Variants in SGCD observed in about 807,000 individuals in gnomAD.
SGCD encodes the protein delta-sarcoglycan.
Under a neutral mutation model 36.6 loss-of-function variants are expected in SGCD, and 18 were observed. The observed-to-expected ratio is 0.49, with a 90% CI of 0.34 to 0.73. The LOEUF (loss-of-function observed/expected upper bound fraction) is 0.73, where lower values mean the gene tolerates loss of function less well. Among genes scored for constraint, SGCD ranks in the 30% least tolerant of loss-of-function variants. The probability of loss-of-function intolerance (pLI) is 0.01; values close to 1 mark genes in which losing one functional copy is unlikely to be tolerated. For missense variants in SGCD, 387 were observed against 346.7 expected, an observed-to-expected ratio of 1.12 and a Z score of -0.92; for synonymous variants, 133 against 130.6, an observed-to-expected ratio of 1.02 and a Z score of -0.12.
intron 3 of SGCD, among the ~76,000 whole-genome samples, chr5:156,381,889 GATA>G (rs1379247912): frequency 1.3e-5 from 2 of 152,080 alleles, no homozygotes; most frequent in Non-Finnish European, 2.9e-5. Context: ...ATAAAAATGG[GATA>G]ATAATAGTAT....
At chr5:156,011,617 T>C (rs760962776) in intron 1 of SGCD, among the ~76,000 whole-genome samples, 15 of 152,126 alleles carry the variant, frequency 9.9e-5, no homozygotes, top group Non-Finnish European at 1.8e-4. Flanking sequence ...TTTTTGTATT[T>C]TTAGTAAAGA....
At chr5:156,466,290 C>T (rs1228160692) in intron 3 of SGCD, among the ~76,000 whole-genome samples, 1 of 152,160 alleles carries the variant, frequency 6.6e-6, no homozygotes, top group African/African-American at 2.4e-5. Flanking sequence ...TCTACAAAGA[C>T]TCTAGAGAGT....
intron 3 of SGCD, among the ~76,000 whole-genome samples, chr5:156,177,000 T>A (rs1054672957): frequency 6.6e-6 from 1 of 152,174 alleles, no homozygotes; most frequent in Non-Finnish European, 1.5e-5. Flanking sequence ...GGTAATTTTT[T>A]ATTTTTTATT....
intron 1 of SGCD, among the ~76,000 whole-genome samples, chr5:155,959,094 A>G (rs914137492): frequency 6.6e-6 from 1 of 152,132 alleles, no homozygotes; most frequent in African/African-American, 2.4e-5. Flanking sequence ...CATGCAAAAC[A>G]CAAGTTTATT....
chr5:155,762,069 T>C, the SGCD span, among the ~76,000 whole-genome samples: 1 of 152,234 alleles, frequency 6.6e-6, no homozygotes, highest in African/African-American at 2.4e-5. Context: ...CAATTGCCAC[T>C]AAGTGGCTGC....
intron 2 of SGCD, among the ~76,000 whole-genome samples, chr5:156,339,541 C>T (rs1352595455): frequency 2.0e-5 from 3 of 152,080 alleles, no homozygotes; most frequent in Non-Finnish European, 2.9e-5. Context: ...ATTCATTGAA[C>T]AAATGTTTTG....
chr5:156,591,756 A>G (rs1760729592), intron 5 of SGCD, among the ~76,000 whole-genome samples: 1 of 152,150 alleles, frequency 6.6e-6, no homozygotes, highest in Non-Finnish European at 1.5e-5. Context: ...AGGAACAATG[A>G]GTTCAACATG....
chr5:156,492,310 A>G (rs1354718185), intron 3 of SGCD, among the ~76,000 whole-genome samples: 3 of 152,216 alleles, frequency 2.0e-5, no homozygotes, highest in Non-Finnish European at 2.9e-5. Context: ...ATGGATTTTT[A>G]TCATAAGGAA....
rs573278623 is a variant in SGCD, at chr5:156,132,458, C to CTTTTTTTTTTTTTTTTTTTTTT, written c.-44+8446_-44+8467dup. On this transcript the variant is annotated intron_variant, in intron 3 of 9. Transcript: ENST00000517913. ...CGGAACTGTGGCTAACTTACCAAGT[C>CTTTTTTTTTTTTTTTTTTTTTT]TTTTTTTTTTTTTTTTTTTTTTTTT... Among the ~76,000 whole-genome samples the CTTTTTTTTTTTTTTTTTTTTTT allele has an allele frequency of 1.7e-4, 9 of 51,792 alleles. 2 individuals are homozygous for CTTTTTTTTTTTTTTTTTTTTTT. The highest frequency in any genetic ancestry group is 5.8e-4 in the African/African-American group (6 of 10,386). 34.0% of individuals were successfully genotyped at this position (51,792 alleles called of 152,430 possible).
At chr5:155,765,486 T>C in the SGCD span, among the ~76,000 whole-genome samples, 2 of 151,812 alleles carry the variant, frequency 1.3e-5, no homozygotes, top group Admixed American at 6.6e-5. Flanking sequence ...TGAAGACTTA[T>C]GAATCTGAAG....
rs116221952 is a variant in SGCD at position 156,747,103 on chromosome 5, A to G, written c.576-10478A>G. 2.6e-5 allele frequency among the ~76,000 whole-genome samples: 4 copies of G among 152,164 alleles called. No individual in the cohort carries two copies. In the South Asian group the frequency reaches 8.3e-4, roughly 31 times the overall value. On this transcript the variant is annotated intron_variant, in intron 7 of 8. Transcript: ENST00000337851. ...ATTTGAACACCCAGTAAAACACATG[A>G]AAAGGTGCCTAACAACATTAGTCAT... is the stretch of plus-strand genomic sequence containing the variant.
chr5:155,959,058 G>T (rs1757731391), intron 1 of SGCD, among the ~76,000 whole-genome samples: 1 of 151,936 alleles, frequency 6.6e-6, no homozygotes, highest in Non-Finnish European at 1.5e-5. Flanking sequence ...TTCCACATTA[G>T]GACATCAACA....
In SGCD at chr5:156,037,727, T is replaced by G. The variant is rs187726427; in HGVS notation, c.-281-80151T>G. ...GAACAAACAGTGAGGTCTGGAAAATTTGCAGACACAGGTCTTGCACGTGTT... is the reference window on the plus strand; with the variant it reads ...GAACAAACAGTGAGGTCTGGAAAATGTGCAGACACAGGTCTTGCACGTGTT... On this transcript the variant is annotated intron_variant, in intron 1 of 9. Coordinates refer to the SGCD transcript ENST00000517913. 1.9e-3 allele frequency among the ~76,000 whole-genome samples: 286 copies of G among 152,268 alleles called. 1 individual carries two copies. Among genetic ancestry groups the G allele is most frequent in the African/African-American group, 6.7e-3 (279 of 41,572 alleles).
intron 3 of SGCD, among the ~76,000 whole-genome samples, chr5:156,356,077 A>G (rs1289158440): frequency 6.6e-6 from 1 of 152,242 alleles, no homozygotes; most frequent in African/African-American, 2.4e-5. Flanking sequence ...TGCCTTTATA[A>G]ATTTCTAATC....
intron 4 of SGCD, among the ~76,000 whole-genome samples, chr5:156,509,926 C>T (rs1356146274): frequency 6.6e-6 from 1 of 152,086 alleles, no homozygotes; most frequent in Non-Finnish European, 1.5e-5. Flanking sequence ...TTGGATTGAT[C>T]CCCCTTCACC....
At chr5:156,739,781 G>A (rs1213546134) in intron 7 of SGCD, 3 of 152,108 alleles carry the variant, frequency 2.0e-5, no homozygotes, top group Non-Finnish European at 4.4e-5. Flanking sequence ...AGAGACCTGG[G>A]TTTAATCTAC....
chr5:156,016,780 C>T (rs13187689), intron 1 of SGCD, among the ~76,000 whole-genome samples: 2,617 of 152,206 alleles, frequency 0.017, 40 homozygotes, highest in Non-Finnish European at 0.025. Context: ...TGTACCATAG[C>T]TTGTTCAACT....
chr5:155,965,334 G>T (rs1192091256), intron 1 of SGCD, among the ~76,000 whole-genome samples: 1 of 152,070 alleles, frequency 6.6e-6, no homozygotes, highest in Non-Finnish European at 1.5e-5. Flanking sequence ...CAGTATCAGA[G>T]GCACTTGATC....
chr5:156,674,021 C>T (rs539760623), intron 7 of SGCD, among the ~76,000 whole-genome samples: 1 of 152,248 alleles, frequency 6.6e-6, no homozygotes, highest in Non-Finnish European at 1.5e-5. Flanking sequence ...TGCCATTCAG[C>T]CTTTGAATGC....
Sources: gnomAD v4.1 joint callset for allele counts (sites outside exome capture counted in the v4.1 genomes callset) on GRCh38, gnomAD v4.1.1 for gene constraint, MANE v1.5 for transcripts, NCBI Gene and HGNC (gene_info 2026-07-23, HGNC 2026-07-21) for gene names.